CYP26C1: variants seen among roughly 807,000 people sequenced by gnomAD.
CYP26C1 encodes cytochrome P450 family 26 subfamily C member 1.
In CYP26C1, 41 loss-of-function variants were observed where a neutral mutation model predicts 39.1. That is an observed-to-expected ratio of 1.05 (90% confidence interval 0.82 to 1.36). The LOEUF is 1.36. Among genes scored for constraint, CYP26C1 ranks in the 40% most tolerant of loss-of-function variants. CYP26C1 has a pLI of 0.00. For missense variants in CYP26C1, 833 were observed against 752.0 expected (o/e 1.11, Z -1.26); for synonymous variants, 362 against 350.8 (o/e 1.03, Z -0.36).
chr10:93,061,273 T>TG lies in CYP26C1; in HGVS notation c.15dup (p.Leu6AlafsTer163). On this transcript the variant is annotated frameshift_variant, in exon 1 of 6. Coordinates refer to ENST00000651965, the MANE Select transcript of CYP26C1 (RefSeq NM_183374.3). LOFTEE classifies it high-confidence loss of function. ...CCCCCGCGGGCTCATCATGTTCCCT[T>TG]GGGGGCTGAGCTGCCTGTCAGTGCT... The TG allele has an allele frequency of 1.3e-6, 2 of 1,583,418 alleles. No individual in the cohort carries two copies. Among genetic ancestry groups the TG allele is most frequent in the Non-Finnish European group, 1.7e-6 (2 of 1,166,694 alleles).
rs115738184 is a variant in CYP26C1, at chr10:93,065,961, G to A, written c.867G>A (p.Ser289=). 2.5e-6 allele frequency: 4 copies of A among 1,580,766 alleles called. No individual in the cohort carries two copies. The highest frequency in any genetic ancestry group is 2.3e-5 in the South Asian group (2 of 88,530). The change falls in exon 5 of 6, where the codon TCG becomes TCA. Residue 289 remains serine, a synonymous_variant. Transcript: ENST00000651965. ...AGCCCGGGGCTGTCTTGCAGGAGTC[G>A]GCTGTGGAGCTCCTCTTCGCCGCCT... ...HEPSMQELKE[S]AVELLFAAFF...
rs1590134362 is a variant in CYP26C1 at position 93,061,317 on chromosome 10, TCTC to T, written c.57_59del (p.Leu20del). The T allele has an allele frequency of 6.3e-7, 1 of 1,596,958 alleles. No individual in the cohort carries two copies. Among genetic ancestry groups the T allele is most frequent in the Non-Finnish European group, 8.5e-7 (1 of 1,172,952 alleles). ...CAGTGCTGGGGGCGGCGGGCACTGC[TCTC>T]CTGTGCGCGGGCCTGCTGCTCAGCC... On this transcript the variant is annotated inframe_deletion, in exon 1 of 6. Transcript: ENST00000651965.
rs1247858739 is a variant in CYP26C1 at position 93,066,100 on chromosome 10, G to C, written c.1006G>C (p.Gly336Arg). ...LVAQGLGRAC[G>R]CAPGAAGGSE... ...GGCGCAGGGGCTGGGGCGCGCGTGC[G>C]GCTGCGCGCCCGGGGCCGCTGGGGG... Residue 336 changes from glycine (G) to arginine (R), a missense_variant, in exon 5 of 6, where the codon GGC (glycine) becomes CGC (arginine). Transcript: ENST00000651965. 2.3e-6 allele frequency: 3 copies of C among 1,331,160 alleles called. No homozygotes were observed. 82.5% of individuals were successfully genotyped at this position (1,331,160 alleles called of 1,614,324 possible).
intron 4 of CYP26C1, among the ~76,000 whole-genome samples, chr10:93,065,036 G>A (rs1050001030): frequency 3.9e-5 from 6 of 152,118 alleles, no homozygotes; most frequent in Non-Finnish European, 5.9e-5. Flanking sequence ...TGTTGCTGTG[G>A]ATCTCCTGGA....
chr10:93,062,345 T>A (rs1430562189), intron 2 of CYP26C1, 111 bp downstream of exon 2: 2 of 1,171,220 alleles, frequency 1.7e-6, no homozygotes, highest in Non-Finnish European at 2.3e-6. Context: ...CCGACCAAGG[T>A]CCCTGGTAAC....
Position 93,068,609 on chromosome 10 carries a change from C to G in CYP26C1, c.1481C>G (p.Thr494Arg), listed in dbSNP as rs778859736. ...LATPAFPAMQ[T>R]VPIVHPVDGL... Reference sequence around the variant, plus strand: ...ACACCCGCCTTCCCCGCCATGCAGACGGTGCCCATCGTGCACCCAGTGGAC... The same window carrying G: ...ACACCCGCCTTCCCCGCCATGCAGAGGGTGCCCATCGTGCACCCAGTGGAC... The change falls in exon 6 of 6, where the codon ACG becomes AGG. Residue 494 changes from threonine (T) to arginine (R), a missense_variant. Transcript: ENST00000651965. The G allele has an allele frequency of 2.6e-5, 41 of 1,600,900 alleles. No homozygotes were observed. Among genetic ancestry groups the G allele is most frequent in the Non-Finnish European group, 3.4e-5 (40 of 1,174,624 alleles).
chr10:93,066,280 C>A lies in CYP26C1; in HGVS notation c.1186C>A (p.Leu396Ile). 1 of 1,393,616 alleles carries A rather than the reference C, an allele frequency of 7.2e-7. No homozygotes were observed. Among genetic ancestry groups the A allele is most frequent in the African/African-American group, 1.5e-5 (1 of 67,736 alleles). The allele number at this position is 1,393,616 out of a possible 1,614,324, so 86.3% of individuals were successfully genotyped here. ...CCGCACCGCCCTGCGCACCTTCGAG[C>A]TCGACGTAAGTGCGCCGTGCCAGCC... is the stretch of plus-strand genomic sequence containing the variant. ...GYRTALRTFELDGYQIPKGWS... is the reference protein window; with the variant it reads ...GYRTALRTFEIDGYQIPKGWS... Residue 396 changes from leucine (L) to isoleucine (I), a missense_variant, in exon 5 of 6, where the codon CTC becomes ATC. By Grantham distance (5) the Leu-to-Ile change is conservative. Coordinates refer to ENST00000651965, the MANE Select transcript of CYP26C1 (RefSeq NM_183374.3).
Position 93,069,170 on chromosome 10 carries a change from A to C in CYP26C1, c.*473A>C, listed in dbSNP as rs1411493319. On this transcript the variant is annotated 3_prime_UTR_variant, in exon 6 of 6. Transcript: ENST00000651965. ...AAGGAAGCGGGCACGCCGTGGGCGC[A>C]ACCCTGGCCTGGCTTTGGGCCATAG... is the stretch of plus-strand genomic sequence containing the variant. 1 of 154,000 alleles carries C rather than the reference A, an allele frequency of 6.5e-6. No individual in the cohort carries two copies. Among genetic ancestry groups the C allele is most frequent in the Non-Finnish European group, 1.4e-5 (1 of 69,306 alleles). 9.5% of individuals were successfully genotyped at this position (154,000 alleles called of 1,614,324 possible).
At chr10:93,064,748 G>A (rs1388758104) in intron 4 of CYP26C1, 97 of 1,286,428 alleles carry the variant, frequency 7.5e-5, no homozygotes, top group Non-Finnish European at 9.2e-5. Flanking sequence ...AGCCTTGTCA[G>A]TAGGAGAACT....
chr10:93,061,971 C>G (rs1846755465), intron 1 of CYP26C1, 39 bp from the exon 2 acceptor site: 1 of 1,537,066 alleles, frequency 6.5e-7, no homozygotes, highest in Non-Finnish European at 8.8e-7. Flanking sequence ...CAGCCCAGGC[C>G]CAGAAGTTCC....
At chr10:93,065,934 G>T in intron 4 of CYP26C1, 22 bp from the exon 5 acceptor site, 1 of 1,548,156 alleles carries the variant, frequency 6.5e-7, no homozygotes, top group Non-Finnish European at 8.7e-7. Flanking sequence ...GAGACTCAGT[G>T]CAGCCCGGGG....
chr10:93,066,423 C>A, intron 5 of CYP26C1, 138 bp downstream of exon 5: 1 of 821,766 alleles, frequency 1.2e-6, no homozygotes, highest in Non-Finnish European at 1.6e-6. Flanking sequence ...CTTTTGCCCT[C>A]AGAGCCTCAG....
chr10:93,062,185 C>A lies in CYP26C1; in HGVS notation c.380C>A (p.Ser127Ter). ...WPQSAHILLG[S>*]HTLLGAVGEP... is the part of the protein sequence containing the mutation. ...CAGAGTGCGCACATCCTGCTGGGCT[C>A]GCACACACTGCTAGGTGCGGTCGGC... The change falls in exon 2 of 6, where the codon TCG becomes TAG. Residue 127 changes from serine to a stop codon, truncating the protein, a stop_gained. Coordinates refer to ENST00000651965, the MANE Select transcript of CYP26C1 (RefSeq NM_183374.3). LOFTEE classifies it high-confidence loss of function. 6.5e-7 allele frequency: 1 copy of A among 1,536,506 alleles called. No individual in the cohort carries two copies. Among genetic ancestry groups the A allele is most frequent in the Non-Finnish European group, 8.7e-7 (1 of 1,146,288 alleles).
Position 93,064,500 on chromosome 10 carries a change from G to C in CYP26C1, c.825G>C (p.Arg275Ser). ...TCGACCTAATCATTCACAGTGCAAG[G>C]GAGCTGGGCCATGAGCCCTCCATGC... ...DALDLIIHSA[R>S]ELGHEPSMQE... is the part of the protein sequence containing the mutation. Residue 275 changes from arginine to serine, a missense_variant, in exon 4 of 6, where the codon AGG (arginine) becomes AGC (serine). Physicochemically the swap from Arg to Ser is moderately radical, Grantham distance 110 (BLOSUM62 -1). Transcript: ENST00000651965. 1.9e-6 allele frequency: 3 copies of C among 1,614,074 alleles called. No individual in the cohort carries two copies. Among genetic ancestry groups the C allele is most frequent in the Non-Finnish European group, 2.5e-6 (3 of 1,179,974 alleles).
At chr10:93,063,635 A>T in intron 3 of CYP26C1, 2 of 985,532 alleles carry the variant, frequency 2.0e-6, no homozygotes, top group Non-Finnish European at 2.4e-6. Flanking sequence ...AGTCACCTGC[A>T]TAAAAATAAT....
At chr10:93,066,352 G>GCCTGCCT (rs1846828921) in intron 5 of CYP26C1, 67 bp downstream of exon 5, 1 of 1,235,084 alleles carries the variant, frequency 8.1e-7, no homozygotes, top group Non-Finnish European at 1.0e-6. Context: ...GCCGCCTGCC[G>GCCTGCCT]CCTGCCGCGG....
Position 93,068,983 on chromosome 10 carries a change from A to G in CYP26C1, c.*286A>G. On this transcript the variant is annotated 3_prime_UTR_variant, in exon 6 of 6. Coordinates refer to ENST00000651965, the MANE Select transcript of CYP26C1 (RefSeq NM_183374.3). ...GGCCAAGCAGGAATGGAGGGAATAGATAGATCCCCACGAGGTGCTGCTTGG... is the reference window on the plus strand; with the variant it reads ...GGCCAAGCAGGAATGGAGGGAATAGGTAGATCCCCACGAGGTGCTGCTTGG... 7 of 386,068 alleles carry G rather than the reference A, an allele frequency of 1.8e-5. No homozygotes were observed. In the South Asian group the frequency reaches 5.2e-4, roughly 29 times the overall value. 23.9% of individuals were successfully genotyped at this position (386,068 alleles called of 1,614,324 possible).
intron 1 of CYP26C1, among the ~76,000 whole-genome samples, chr10:93,061,668 C>T (rs958317548): frequency 6.6e-6 from 1 of 152,130 alleles, no homozygotes; most frequent in African/African-American, 2.4e-5. Context: ...GAATTCCCCC[C>T]AGAGCAACTC....
intron 4 of CYP26C1, 85 bp downstream of exon 4, chr10:93,064,621 C>A: frequency 6.6e-7 from 1 of 1,523,432 alleles, no homozygotes; most frequent in Non-Finnish European, 8.8e-7. Context: ...AGAGCCACAT[C>A]TTGTGTGGCC....
Sources: gnomAD v4.1 joint callset for allele counts (sites outside exome capture counted in the v4.1 genomes callset) on GRCh38, gnomAD v4.1.1 for gene constraint, MANE v1.5 for transcripts, NCBI Gene and HGNC (gene_info 2026-07-23, HGNC 2026-07-21) for gene names.